The following TMEM145 variants were observed in gnomAD, a reference collection of about 807,000 sequenced individuals.
TMEM145 encodes the protein transmembrane protein 145.
Under a neutral mutation model 68.5 loss-of-function variants are expected in TMEM145, and 46 were observed. The observed-to-expected ratio is 0.67, with a 90% CI of 0.53 to 0.86. TMEM145 has a LOEUF of 0.86. TMEM145 is among the 40% of genes least tolerant of loss of function. The probability of loss-of-function intolerance (pLI) is 0.00; values close to 1 mark genes in which losing one functional copy is unlikely to be tolerated. For missense variants in TMEM145, 570 were observed against 645.8 expected (o/e 0.88, Z 1.27); for synonymous variants, 255 against 280.2 (o/e 0.91, Z 0.90).
rs142096783 is a variant in TMEM145, at chr19:42,316,527, C to G, written c.693C>G (p.Thr231=). 1 of 1,614,196 alleles carries G rather than the reference C, an allele frequency of 6.2e-7. No homozygotes were observed. Among genetic ancestry groups the G allele is most frequent in the East Asian group, 2.2e-5 (1 of 44,890 alleles). Residue 231 remains threonine (T), a synonymous_variant, in exon 9 of 15, where the codon ACC becomes ACG. Coordinates refer to ENST00000301204, the MANE Select transcript of TMEM145 (RefSeq NM_173633.3). ...FFCIYWGQYA[T]DGIGNESVKI... ...GCATCTACTGGGGTCAATATGCCAC[C>G]GATGGCATTGGCAACGAGAGTGTGA... is the stretch of plus-strand genomic sequence containing the variant.
In TMEM145 at chr19:42,320,356, C is replaced by T. The variant is rs375428180; in HGVS notation, c.1113C>T (p.Phe371=). The part of the protein sequence containing the change: ...AVPVMALIAN[F]GIPKWAREKI... ...CTGTCATGGCCCTGATTGCCAATTT[C>T]GGCATCCCCAAGTGGGCCCGGGAGA... The change falls in exon 13 of 15, where the codon TTC becomes TTT. Residue 371 remains phenylalanine (F), a synonymous_variant. Transcript: ENST00000301204. 3.1e-5 allele frequency: 50 copies of T among 1,614,012 alleles called. No individual in the cohort carries two copies. The highest frequency in any genetic ancestry group is 4.0e-5 in the African/African-American group (3 of 74,928).
chr19:42,318,894 C>G (rs1045967482), intron 12 of TMEM145, among the ~76,000 whole-genome samples: 12 of 151,924 alleles, frequency 7.9e-5, no homozygotes, highest in Non-Finnish European at 8.8e-5. Context: ...CCAGCCTGGC[C>G]AACATGGTAA....
rs959242959 is a variant in TMEM145 at position 42,324,865 on chromosome 19, G to A, written c.*48G>A. The A allele has an allele frequency of 1.3e-6, 2 of 1,498,902 alleles. No homozygotes were observed. Among genetic ancestry groups the A allele is most frequent in the Non-Finnish European group, 1.8e-6 (2 of 1,130,502 alleles). 92.9% of individuals were successfully genotyped at this position (1,498,902 alleles called of 1,614,324 possible). On this transcript the variant is annotated 3_prime_UTR_variant, in exon 15 of 15. Coordinates refer to ENST00000301204, the MANE Select transcript of TMEM145 (RefSeq NM_173633.3). ...CGTGGTGACCGCCGGGACCCTGCCT[G>A]TGACTCTCCAGGACTCTGCGACCCC...
rs1599981462 is a variant in TMEM145 at position 42,317,016 on chromosome 19, G to A, written c.900+53G>A. ...CCTGCCTTCCCCTGCTTTTGGCGCC[G>A]CCTCCCCCTTGACCTGTCTGCTCGC... On this transcript the variant is annotated intron_variant, in intron 11 of 14. Transcript: ENST00000301204. 8 of 1,511,256 alleles carry A rather than the reference G, an allele frequency of 5.3e-6. No individual in the cohort carries two copies. In the East Asian group the frequency reaches 9.4e-5, roughly 18 times the overall value. 93.6% of individuals were successfully genotyped at this position (1,511,256 alleles called of 1,614,324 possible).
intron 11 of TMEM145, 61 bp downstream of exon 11, chr19:42,317,024 C>G: frequency 1.4e-6 from 2 of 1,426,704 alleles, no homozygotes; most frequent in Non-Finnish European, 1.9e-6. Flanking sequence ...CCGCCTCCCC[C>G]TTGACCTGTC....
In TMEM145 at chr19:42,315,978, C is replaced by T. The variant is rs577587048; in HGVS notation, c.647-503C>T. Among the ~76,000 whole-genome samples the T allele has an allele frequency of 1.7e-3, 264 of 152,036 alleles. 1 individual carries two copies. The highest frequency in any genetic ancestry group is 3.0e-3 in the Non-Finnish European group (202 of 67,968). Reference sequence around the variant, plus strand: ...CCGGGAGGTGGAGATTGCAGTGAGCCGAGATCACGCCACTGCATTCCAACC... The same window carrying T: ...CCGGGAGGTGGAGATTGCAGTGAGCTGAGATCACGCCACTGCATTCCAACC... On this transcript the variant is annotated intron_variant, in intron 8 of 14. Transcript: ENST00000301204.
At chr19:42,324,206 G>T (rs2038944584) in intron 14 of TMEM145, 2 of 971,570 alleles carry the variant, frequency 2.1e-6, no homozygotes, top group Non-Finnish European at 2.4e-6. Context: ...CCGGGGGAGG[G>T]GGACGGGCCT....
chr19:42,317,752 C>A lies in TMEM145; in HGVS notation c.944C>A (p.Ala315Asp). ...GTACTGTACACGTATGAGTCGCCGG[C>A]CGGCTACGGGCTCATTGGACTGCAG... Reference protein sequence around the residue: ...GQVLYTYESPAGYGLIGLQVA... With the variant: ...GQVLYTYESPDGYGLIGLQVA... The change falls in exon 12 of 15, where the codon GCC becomes GAC. Residue 315 changes from alanine (A) to aspartate (D), a missense_variant. Transcript: ENST00000301204. 6.2e-7 allele frequency: 1 copy of A among 1,614,198 alleles called. No homozygotes were observed. Among genetic ancestry groups the A allele is most frequent in the Non-Finnish European group, 8.5e-7 (1 of 1,180,042 alleles).
chr19:42,316,549 G>A lies in TMEM145; in HGVS notation c.715G>A (p.Val239Met). Residue 239 changes from valine to methionine, a missense_variant, in exon 9 of 15, where the codon GTG becomes ATG. Coordinates refer to ENST00000301204, the MANE Select transcript of TMEM145 (RefSeq NM_173633.3). ...CACCGATGGCATTGGCAACGAGAGT[G>A]TGAAGATCTTGGGTGAGAATGAAGC... Reference protein sequence around the residue: ...YATDGIGNESVKILAKLLFSS... With the variant: ...YATDGIGNESMKILAKLLFSS... The A allele has an allele frequency of 6.2e-7, 1 of 1,614,208 alleles. No homozygotes were observed. Among genetic ancestry groups the A allele is most frequent in the South Asian group, 1.1e-5 (1 of 91,090 alleles).
Position 42,324,726 on chromosome 19 carries a change from C to A in TMEM145, c.1402-11C>A. 2 of 1,498,890 alleles carry A rather than the reference C, an allele frequency of 1.3e-6. No homozygotes were observed. Among genetic ancestry groups the A allele is most frequent in the Non-Finnish European group, 1.8e-6 (2 of 1,129,770 alleles). The allele number at this position is 1,498,890 out of a possible 1,614,324, so 92.8% of individuals were successfully genotyped here. A position where few individuals can be genotyped will look rare whatever the true frequency, so the allele number is the denominator to read the frequency against. On this transcript the variant is annotated splice_polypyrimidine_tract_variant and intron_variant, in intron 14 of 14. Transcript: ENST00000301204. Reference sequence around the variant, plus strand: ...TCCCGCGGGAGCCGCTCTCCCCGTCCCCTCCCTCAGCCCCTGCCCCGAGCG... The same window carrying A: ...TCCCGCGGGAGCCGCTCTCCCCGTCACCTCCCTCAGCCCCTGCCCCGAGCG...
intron 12 of TMEM145, 41 bp downstream of exon 12, chr19:42,317,922 C>T (rs756099603): frequency 6.2e-6 from 10 of 1,609,556 alleles, no homozygotes; most frequent in Admixed American, 5.0e-5. Context: ...GCCTCCCTCT[C>T]GGGGCTCCCC....
rs1555778808 is a variant in TMEM145, at chr19:42,324,795, C to T, written c.1460C>T (p.Pro487Leu). Residue 487 changes from proline to leucine, a missense_variant, in exon 15 of 15, where the codon CCT becomes CTT. Coordinates refer to ENST00000301204, the MANE Select transcript of TMEM145 (RefSeq NM_173633.3). Reference sequence around the variant, plus strand: ...CCGCTGTTCCGTGACCTCCGGCCCCCTGGCCCCCTTCGAGACCTCTGACCC... The same window carrying T: ...CCGCTGTTCCGTGACCTCCGGCCCCTTGGCCCCCTTCGAGACCTCTGACCC... ...GLPLFRDLRPPGPLRDL is the reference protein window; with the variant it reads ...GLPLFRDLRPLGPLRDL 6.4e-7 allele frequency: 1 copy of T among 1,569,856 alleles called. No homozygotes were observed. The highest frequency in any genetic ancestry group is 8.6e-7 in the Non-Finnish European group (1 of 1,164,692).
chr19:42,322,708 A>G (rs978322592), intron 13 of TMEM145, among the ~76,000 whole-genome samples: 1 of 146,202 alleles, frequency 6.8e-6, no homozygotes, highest in East Asian at 2.0e-4. Context: ...TTTATTTTAA[A>G]TTTTTTTTTT....
At chr19:42,320,492 G>A (rs1389156704) in intron 13 of TMEM145, 55 bp downstream of exon 13, 1 of 1,610,014 alleles carries the variant, frequency 6.2e-7, no homozygotes, top group Non-Finnish European at 8.5e-7. Flanking sequence ...CAGAAGATGT[G>A]TGAGGCTCCT....
At chr19:42,324,233 C>A (rs2038945063) in intron 14 of TMEM145, 8 of 981,044 alleles carry the variant, frequency 8.2e-6, no homozygotes, top group South Asian at 9.4e-5. Context: ...CCGCATCTGC[C>A]CCCCGAGGGT....
In TMEM145 at chr19:42,313,427, G is replaced by T. The variant is rs2147410221; in HGVS notation, c.51G>T (p.Leu17=). Residue 17 remains leucine (L), a synonymous_variant, in exon 1 of 15, where the codon CTG becomes CTT. Coordinates refer to ENST00000301204, the MANE Select transcript of TMEM145 (RefSeq NM_173633.3). This position sits in a 1 kb window ranked among gnomAD's most constrained non-coding sequence, Gnocchi z 5.1. ...PALRRLLPPL[L]LLLLSLPPRA... is the part of the protein sequence containing the mutation. ...TGCGCCGCCTGCTGCCGCCGCTGCT[G>T]CTCCTGCTGCTGTCACTGCCCCCCC... 1 of 1,377,138 alleles carries T rather than the reference G, an allele frequency of 7.3e-7. No individual in the cohort carries two copies. The allele number at this position is 1,377,138 out of a possible 1,614,324, so 85.3% of individuals were successfully genotyped here.
chr19:42,323,614 A>T lies in TMEM145; in HGVS notation c.1226A>T (p.Asn409Ile), dbSNP rs1417053526. Residue 409 changes from asparagine to isoleucine, a missense_variant, in exon 14 of 15, where the codon AAC becomes ATC. Asn to Ile is a moderately radical substitution (Grantham distance 149, BLOSUM62 -3). Transcript: ENST00000301204. ...ACCCGCCCATCAGCGGCCAACAAGAACTTCCCGTACCACGTGCGCACGTCG... is the reference window on the plus strand; with the variant it reads ...ACCCGCCCATCAGCGGCCAACAAGATCTTCCCGTACCACGTGCGCACGTCG... ...IMTRPSAANK[N>I]FPYHVRTSQI... 2.4e-5 allele frequency: 38 copies of T among 1,613,982 alleles called. No homozygotes were observed. The highest frequency in any genetic ancestry group is 3.1e-5 in the Non-Finnish European group (37 of 1,179,982).
chr19:42,315,395 C>T lies in TMEM145; in HGVS notation c.601C>T (p.Leu201Phe), dbSNP rs2038846544. The stretch of plus-strand genomic sequence containing the variant: ...AGATTTGCTGAAAGGTCGTCAGTTG[C>T]TCCACACAACTTATAAAATGTTCAT... ...FGYLLKGRQL[L>F]HTTYKMFMAA... is the part of the protein sequence containing the mutation. The change falls in exon 8 of 15, where the codon CTC (leucine) becomes TTC (phenylalanine). Residue 201 changes from leucine (L) to phenylalanine (F), a missense_variant. Transcript: ENST00000301204. 1 of 1,614,172 alleles carries T rather than the reference C, an allele frequency of 6.2e-7. No individual in the cohort carries two copies. The highest frequency in any genetic ancestry group is 1.3e-5 in the African/African-American group (1 of 75,030).
intron 1 of TMEM145, among the ~76,000 whole-genome samples, chr19:42,314,063 T>C (rs986958215): frequency 7.3e-5 from 11 of 151,138 alleles, no homozygotes; most frequent in Non-Finnish European, 1.6e-4. Flanking sequence ...GGGAGGAAAC[T>C]TGGGGGGGCA....
Sources: allele counts gnomAD v4.1 joint callset (sites outside exome capture counted in the v4.1 genomes callset), GRCh38; gene constraint gnomAD v4.1.1; non-coding constraint Gnocchi (gnomAD v3.1); transcripts MANE v1.5; gene names NCBI Gene and HGNC (gene_info 2026-07-23, HGNC 2026-07-21).